Variants in ATP11B observed in about 807,000 individuals in gnomAD.
ATP11B encodes the protein phospholipid-transporting ATPase IF.
Under a neutral mutation model 157.8 loss-of-function variants are expected in ATP11B, and 81 were observed. That is an observed-to-expected ratio of 0.51 (90% CI 0.43 to 0.62). The LOEUF is 0.62. Ranked by LOEUF, ATP11B falls within the 20% of genes least tolerant of loss-of-function variation. The pLI, the probability that ATP11B is intolerant of heterozygous loss-of-function variation, is 0.00. For synonymous variants in ATP11B, 451 were observed against 469.4 expected (o/e 0.96, Z 0.51); for missense variants, 1,165 against 1,402.2 (o/e 0.83, Z 2.70).
chr3:182,867,189 G>A (rs1015526072), intron 14 of ATP11B, among the ~76,000 whole-genome samples, 187 bp from the exon 15 acceptor site: 4 of 148,658 alleles, frequency 2.7e-5, no homozygotes, highest in Admixed American at 6.6e-5. Context: ...TTGGCCTCCT[G>A]AAGTGCTGGG....
intron 1 of ATP11B, among the ~76,000 whole-genome samples, chr3:182,801,002 A>G (rs192215478): frequency 3.8e-4 from 57 of 151,594 alleles, no homozygotes; most frequent in African/African-American, 1.3e-3. Flanking sequence ...GGGTTTCGCC[A>G]TGTTGGCCAG....
intron 1 of ATP11B, among the ~76,000 whole-genome samples, chr3:182,804,286 C>T (rs984771620): frequency 1.3e-5 from 2 of 151,722 alleles, no homozygotes; most frequent in Non-Finnish European, 2.9e-5. Flanking sequence ...CCCTCTGACC[C>T]CCAGGCTGAA....
chr3:182,865,346 T>C (rs1315654150), intron 12 of ATP11B, 110 bp from the exon 13 acceptor site: 2 of 999,962 alleles, frequency 2.0e-6, no homozygotes, highest in African/African-American at 3.3e-5. Flanking sequence ...CATATATCAA[T>C]ATTAATAGAT....
intron 28 of ATP11B, among the ~76,000 whole-genome samples, chr3:182,912,717 C>G (rs931675731): frequency 6.6e-6 from 1 of 152,132 alleles, no homozygotes; most frequent in Non-Finnish European, 1.5e-5. Context: ...GGTTTCTGTT[C>G]CATCACGTCC....
chr3:182,907,034 A>G (rs1577112236), intron 28 of ATP11B, among the ~76,000 whole-genome samples: 1 of 151,774 alleles, frequency 6.6e-6, no homozygotes, highest in South Asian at 2.1e-4. Context: ...CGGAGCTTGC[A>G]TTGAGCTGAG....
chr3:182,873,905 T>C lies in ATP11B; in HGVS notation c.2142T>C (p.Val714=). 1 of 1,613,924 alleles carries C rather than the reference T, an allele frequency of 6.2e-7. No individual in the cohort carries two copies. Among genetic ancestry groups the C allele is most frequent in the South Asian group, 1.1e-5 (1 of 91,080 alleles). The change falls in exon 19 of 30, where the codon GTT becomes GTC. Residue 714 remains valine (V), a synonymous_variant. Transcript: ENST00000323116. ...VLTGDKHETA[V]SVSLSCGHFH... is the part of the protein sequence containing the mutation. ...CTGGGGATAAACATGAAACAGCTGT[T>C]AGTGTGAGTTTATCATGTGGCCATT... is the stretch of plus-strand genomic sequence containing the variant.
At chr3:182,794,946 C>G (rs73887025) in intron 1 of ATP11B, among the ~76,000 whole-genome samples, 3,011 of 151,932 alleles carry the variant, frequency 0.02, 94 homozygotes, top group African/African-American at 0.07. Context: ...CCCTTCTGCT[C>G]TAGAAAAGCA....
intron 29 of ATP11B, chr3:182,917,493 G>A: frequency 1.0e-6 from 1 of 985,350 alleles, no homozygotes; most frequent in African/African-American, 1.7e-5. Flanking sequence ...GAAAACGCTA[G>A]TGACCTACAG....
intron 1 of ATP11B, among the ~76,000 whole-genome samples, chr3:182,809,562 A>G (rs1207695062): frequency 1.3e-5 from 2 of 152,142 alleles, no homozygotes; most frequent in Non-Finnish European, 2.9e-5. Context: ...TCTGTACACT[A>G]ATAAGCAATC....
chr3:182,816,965 A>C (rs1404804047), intron 1 of ATP11B, among the ~76,000 whole-genome samples: 1 of 152,208 alleles, frequency 6.6e-6, no homozygotes, highest in Non-Finnish European at 1.5e-5. Flanking sequence ...TAATTTCCGT[A>C]AGGGACATTT....
chr3:182,805,215 C>T (rs1257955639), intron 1 of ATP11B, among the ~76,000 whole-genome samples: 1 of 152,182 alleles, frequency 6.6e-6, no homozygotes, highest in East Asian at 1.9e-4. Flanking sequence ...GTTTTCCAAA[C>T]TATCTGGACC....
rs1027017753 is a variant in ATP11B at position 182,919,985 on chromosome 3, C to T, written c.*1881C>T. The T allele has an allele frequency of 2.0e-5, 3 of 152,096 alleles. No individual in the cohort carries two copies. The highest frequency in any genetic ancestry group is 6.6e-5 in the Admixed American group (1 of 15,266). 9.4% of individuals were successfully genotyped at this position (152,096 alleles called of 1,614,324 possible). ...TAATGAAGATATACTCAGTAGAGTA[C>T]TAGGTGGGAGGATATGGAAATTTGC... On this transcript the variant is annotated 3_prime_UTR_variant, in exon 30 of 30. Coordinates refer to ENST00000323116, the MANE Select transcript of ATP11B (RefSeq NM_014616.3).
Position 182,872,412 on chromosome 3 carries a change from G to A in ATP11B, c.1923G>A (p.Glu641=), listed in dbSNP as rs1721729651. ...AYRKFTSKEY[E]EIDKRIFEAR... ...GAAAATTTACATCAAAAGAGTATGA[G>A]GAAATAGATAAACGCATATTTGAAG... is the stretch of plus-strand genomic sequence containing the variant. Residue 641 remains glutamate (E), a synonymous_variant, in exon 18 of 30, where the codon GAG becomes GAA. Coordinates refer to ENST00000323116, the MANE Select transcript of ATP11B (RefSeq NM_014616.3). 1 of 1,613,892 alleles carries A rather than the reference G, an allele frequency of 6.2e-7. No homozygotes were observed. Among genetic ancestry groups the A allele is most frequent in the Non-Finnish European group, 8.5e-7 (1 of 1,179,810 alleles).
chr3:182,793,826 C>G (rs1230807043), intron 1 of ATP11B, 40 bp downstream of exon 1: 2 of 1,265,868 alleles, frequency 1.6e-6, no homozygotes, highest in East Asian at 6.8e-5. Flanking sequence ...CGTCCGCCCC[C>G]GCGGGGCCTC....
chr3:182,807,606 T>C (rs1716401858), intron 1 of ATP11B, among the ~76,000 whole-genome samples: 1 of 152,206 alleles, frequency 6.6e-6, no homozygotes, highest in Admixed American at 6.5e-5. Context: ...AAATTAGAAT[T>C]GCAGCAAAGA....
chr3:182,892,088 C>G (rs1293300557), intron 25 of ATP11B, among the ~76,000 whole-genome samples: 1 of 152,200 alleles, frequency 6.6e-6, no homozygotes, highest in Non-Finnish European at 1.5e-5. Flanking sequence ...CCCAGAAACT[C>G]TCTCTTAACT....
intron 4 of ATP11B, among the ~76,000 whole-genome samples, chr3:182,830,710 A>G (rs1321014077): frequency 3.9e-5 from 6 of 152,238 alleles, no homozygotes; most frequent in East Asian, 1.9e-4. Context: ...GGGATGAAGT[A>G]TATTCTTTAT....
intron 28 of ATP11B, chr3:182,905,699 T>C: frequency 2.2e-6 from 1 of 446,066 alleles, no homozygotes; most frequent in South Asian, 1.6e-5. Flanking sequence ...GTGCCTCAGA[T>C]TGTGAATGCC....
intron 2 of ATP11B, among the ~76,000 whole-genome samples, chr3:182,823,950 T>C (rs1350462738): frequency 6.6e-6 from 1 of 152,112 alleles, no homozygotes; most frequent in Non-Finnish European, 1.5e-5. Flanking sequence ...ATATATCCAT[T>C]GCTTCAAAAA....
Sources: gnomAD v4.1 joint callset for allele counts (sites outside exome capture counted in the v4.1 genomes callset) on GRCh38, gnomAD v4.1.1 for gene constraint, MANE v1.5 for transcripts, NCBI Gene and HGNC (gene_info 2026-07-23, HGNC 2026-07-21) for gene names.